LRRC27: variants seen among roughly 807,000 people sequenced by gnomAD.
LRRC27 encodes leucine-rich repeat-containing protein 27.
A neutral mutation model predicts 55.0 loss-of-function variants in LRRC27; 57 were observed. The observed-to-expected ratio is 1.04, with a 90% CI of 0.84 to 1.29. LRRC27 has a LOEUF of 1.29. Among genes scored for constraint, LRRC27 ranks in the 50% most tolerant of loss-of-function variants. LRRC27 has a pLI of 0.00. For missense variants in LRRC27, 721 were observed against 651.5 expected (o/e 1.11, Z -1.16); for synonymous variants, 278 against 251.9 (o/e 1.10, Z -0.98).
chr10:132,346,824 A>C lies in LRRC27; in HGVS notation c.554-1160A>C, dbSNP rs74161786. ...TTCTAGTCACTTGTACCCCAGGGGG[A>C]ATTTTACAACTTCTTAGGACGTTTT... On this transcript the variant is annotated intron_variant, in intron 5 of 10. Transcript: ENST00000368614. Among the ~76,000 whole-genome samples the C allele has an allele frequency of 3.6e-3, 555 of 152,206 alleles. 10 individuals are homozygous for C. The highest frequency in any genetic ancestry group is 0.013 in the African/African-American group (532 of 41,540).
rs1235589160 is a variant in LRRC27, at chr10:132,337,562, A to C, written c.211-3A>C. On this transcript the variant is annotated splice_polypyrimidine_tract_variant and splice_region_variant and intron_variant, in intron 2 of 10. Coordinates refer to ENST00000368614, the MANE Select transcript of LRRC27 (RefSeq NM_030626.3). ...CATTCTCTGATTCTCTTTTCCATGGAAGCAATTGCATCTGCAAAGGAATGC... is the reference window on the plus strand; with the variant it reads ...CATTCTCTGATTCTCTTTTCCATGGCAGCAATTGCATCTGCAAAGGAATGC... The C allele has an allele frequency of 6.2e-7, 1 of 1,611,644 alleles. No individual in the cohort carries two copies. The highest frequency in any genetic ancestry group is 1.1e-5 in the South Asian group (1 of 90,556).
chr10:132,363,641 A>T (rs1309798776), intron 9 of LRRC27, among the ~76,000 whole-genome samples: 1 of 152,164 alleles, frequency 6.6e-6, no homozygotes, highest in Non-Finnish European at 1.5e-5. Context: ...GCTCTCACTG[A>T]AAGCGCCTCA....
rs2067832894 is a variant in LRRC27 at position 132,348,441 on chromosome 10, C to T, written c.926+85C>T. ...AAATTATCTTTGAAAACATCAGGTC[C>T]AGCTTTTAAAGTGTCCTCCACGTTG... On this transcript the variant is annotated intron_variant, in intron 6 of 10. Coordinates refer to ENST00000368614, the MANE Select transcript of LRRC27 (RefSeq NM_030626.3). The surrounding 1 kb of genome is among the most constrained non-coding windows in gnomAD (Gnocchi z 4.2). 2.0e-6 allele frequency: 3 copies of T among 1,529,258 alleles called. No homozygotes were observed. Among genetic ancestry groups the T allele is most frequent in the Admixed American group, 2.0e-5 (1 of 50,266 alleles). The allele number at this position is 1,529,258 out of a possible 1,614,324, so 94.7% of individuals were successfully genotyped here.
chr10:132,356,031 G>GCCGAGAC, intron 8 of LRRC27, 145 bp downstream of exon 8: 1 of 627,910 alleles, frequency 1.6e-6, no homozygotes, highest in Non-Finnish European at 2.9e-6. Context: ...TGGAGGATGA[G>GCCGAGAC]CTGAGACTTG....
chr10:132,347,215 C>T (rs1479003413), intron 5 of LRRC27, among the ~76,000 whole-genome samples: 2 of 152,262 alleles, frequency 1.3e-5, no homozygotes, highest in Non-Finnish European at 2.9e-5. Flanking sequence ...CAAGATTGCC[C>T]TGTGTACACA....
intron 3 of LRRC27, 51 bp from the exon 4 acceptor site, chr10:132,342,162 A>G: frequency 8.8e-7 from 1 of 1,138,894 alleles, no homozygotes; most frequent in Non-Finnish European, 1.2e-6. Context: ...TTTTGGAGAT[A>G]GTCAATTAAA....
intron 7 of LRRC27, 108 bp downstream of exon 7, chr10:132,351,861 C>T: frequency 4.0e-6 from 5 of 1,264,950 alleles, no homozygotes; most frequent in Non-Finnish European, 5.4e-6. Context: ...GTTAGTTCTC[C>T]CCTCACTGAT....
upstream of LRRC27, chr10:132,331,975 T>G (rs1297033928): frequency 1.2e-3 from 370 of 299,572 alleles, 1 homozygote; most frequent in African/African-American, 0.018. Context: ...CCCCGCCCCC[T>G]CCCGGGCAGG....
In LRRC27 at chr10:132,365,473, C is replaced by T. The variant is rs144393002; in HGVS notation, c.1339C>T (p.Gln447Ter). 4.2e-5 allele frequency: 68 copies of T among 1,613,554 alleles called. No homozygotes were observed. The highest frequency in any genetic ancestry group is 5.3e-5 in the African/African-American group (4 of 74,922). Residue 447 changes from glutamine to a stop codon, truncating the protein, a stop_gained, in exon 10 of 11, where the codon CAA (glutamine) becomes TAA (stop). Coordinates refer to ENST00000368614, the MANE Select transcript of LRRC27 (RefSeq NM_030626.3). LOFTEE classifies it high-confidence loss of function. ...AGAGAAGATAAAACAGCACGTCCTC[C>T]AAATGCGTGAGCAAAGAAGATTCCA... The part of the protein sequence containing the change: ...LEEKIKQHVL[Q>*]MREQRRFHGQ...
chr10:132,358,493 G>A (rs1264950979), intron 8 of LRRC27, among the ~76,000 whole-genome samples: 1 of 61,602 alleles, frequency 1.6e-5, no homozygotes, highest in Non-Finnish European at 2.9e-5. Context: ...GGGAGGAGCC[G>A]AGGTGGTGGA....
intron 7 of LRRC27, chr10:132,352,881 G>A (rs2132964013): frequency 6.2e-7 from 1 of 1,613,930 alleles, no homozygotes; most frequent in Middle Eastern, 1.6e-4. Flanking sequence ...TTCTTCCTCA[G>A]TCCTTTCCTC....
At chr10:132,349,137 G>C in intron 6 of LRRC27, 1 of 975,856 alleles carries the variant, frequency 1.0e-6, no homozygotes, top group Non-Finnish European at 1.6e-6. Flanking sequence ...GAGAGAGAAT[G>C]CTGCAAAATA....
chr10:132,342,176 T>C (rs1211726790), intron 3 of LRRC27, 37 bp from the exon 4 acceptor site: 5 of 1,342,844 alleles, frequency 3.7e-6, no homozygotes, highest in Non-Finnish European at 5.1e-6. Context: ...AATTAAATCT[T>C]GCTTTTTAAA....
chr10:132,344,726 C>T lies in LRRC27; in HGVS notation c.553+76C>T. On this transcript the variant is annotated intron_variant, in intron 5 of 10. Coordinates refer to ENST00000368614, the MANE Select transcript of LRRC27 (RefSeq NM_030626.3). ...TTTTTAAAATCAGGGCAGAACCTGT[C>T]TTCTCTTTAATAACATCCTGAGAAA... 4.6e-6 allele frequency: 7 copies of T among 1,513,834 alleles called. No homozygotes were observed. The South Asian group carries it at 8.1e-5, about 18-fold the overall frequency. The allele number at this position is 1,513,834 out of a possible 1,614,324, so 93.8% of individuals were successfully genotyped here.
intron 10 of LRRC27, among the ~76,000 whole-genome samples, chr10:132,367,325 G>A (rs566894634): frequency 6.6e-6 from 1 of 152,306 alleles, no homozygotes; most frequent in Non-Finnish European, 1.5e-5. Flanking sequence ...TAAGGTTTAA[G>A]GAAGAAACTA....
intron 10 of LRRC27, among the ~76,000 whole-genome samples, chr10:132,367,246 TAATTAATTACCTTCC>T (rs1388940279): frequency 6.6e-6 from 1 of 152,256 alleles, no homozygotes; most frequent in African/African-American, 2.4e-5. Context: ...ATTCAATCAA[TAATTAATTACCTTCC>T]AAAACAGAAA....
At position 132,376,727 on chromosome 10, in the gene LRRC27, G is replaced by A. The variant is rs564905914; in HGVS notation, c.*1485G>A. ...ATATGTTTTGGTAAATGTAGACTGT[G>A]CACTTGAGAAGAATGTATTTTGAGT... On this transcript the variant is annotated 3_prime_UTR_variant, in exon 11 of 11. Coordinates refer to ENST00000368614, the MANE Select transcript of LRRC27 (RefSeq NM_030626.3). 4.2e-4 allele frequency: 64 copies of A among 152,438 alleles called. No homozygotes were observed. The highest frequency in any genetic ancestry group is 1.5e-3 in the African/African-American group (63 of 41,596). 9.4% of individuals were successfully genotyped at this position (152,438 alleles called of 1,614,324 possible).
At chr10:132,338,968 C>T (rs2067260993) in intron 3 of LRRC27, among the ~76,000 whole-genome samples, 1 of 152,190 alleles carries the variant, frequency 6.6e-6, no homozygotes, top group South Asian at 2.1e-4. Context: ...CCTTGGCCTC[C>T]CAAAGTGCTG....
intron 10 of LRRC27, chr10:132,366,940 CT>C: frequency 7.8e-7 from 1 of 1,284,634 alleles, no homozygotes; most frequent in Non-Finnish European, 1.0e-6. Flanking sequence ...TTCTGAGACT[CT>C]TTTCCTCCTC....
Sources: gnomAD v4.1 joint callset for allele counts (sites outside exome capture counted in the v4.1 genomes callset) on GRCh38, gnomAD v4.1.1 for gene constraint, Gnocchi (gnomAD v3.1) non-coding constraint, MANE v1.5 for transcripts, NCBI Gene and HGNC (gene_info 2026-07-23, HGNC 2026-07-21) for gene names.